KIAA0825: variants seen among roughly 807,000 people sequenced by gnomAD.
KIAA0825 encodes the protein uncharacterized protein KIAA0825.
In KIAA0825, 119 loss-of-function variants were observed where a neutral mutation model predicts 147.6. The observed-to-expected ratio is 0.81, with a 90% confidence interval of 0.69 to 0.94. The LOEUF is 0.94. Ranked by LOEUF, KIAA0825 falls within the 40% of genes least tolerant of loss-of-function variation. The pLI is 0.00. For synonymous variants in KIAA0825, 470 were observed against 518.1 expected (o/e 0.91, Z 1.26); for missense variants, 1,381 against 1,472.7 (o/e 0.94, Z 1.02).
chr5:94,510,377 G>T (rs1413688994), intron 5 of KIAA0825, among the ~76,000 whole-genome samples: 3 of 152,126 alleles, frequency 2.0e-5, no homozygotes, highest in Non-Finnish European at 2.9e-5. Flanking sequence ...TTATTGTCCT[G>T]TTACAAAAGA....
intron 20 of KIAA0825, among the ~76,000 whole-genome samples, chr5:94,155,523 T>C (rs1766964006): frequency 6.6e-6 from 1 of 152,134 alleles, no homozygotes; most frequent in African/African-American, 2.4e-5. Flanking sequence ...ATGATATCTG[T>C]TCCCATACTA....
chr5:94,164,631 T>A (rs1207690155), intron 20 of KIAA0825, among the ~76,000 whole-genome samples: 1 of 152,074 alleles, frequency 6.6e-6, no homozygotes, highest in Admixed American at 6.6e-5. Context: ...CAGGATGGTC[T>A]TCATCTCCTG....
At chr5:94,550,912 G>T (rs913210673) in intron 2 of KIAA0825, among the ~76,000 whole-genome samples, 2 of 150,354 alleles carry the variant, frequency 1.3e-5, no homozygotes, top group African/African-American at 4.9e-5. Flanking sequence ...TACATAAAAT[G>T]CCAGAAAAAG....
intron 5 of KIAA0825, among the ~76,000 whole-genome samples, chr5:94,493,779 C>T (rs1033078228): frequency 7.2e-5 from 11 of 152,024 alleles, no homozygotes; most frequent in South Asian, 4.1e-4. Context: ...TGAGTCACCG[C>T]GCCTGGCCAA....
intron 1 of KIAA0825, among the ~76,000 whole-genome samples, chr5:94,582,810 G>A (rs979045763): frequency 3.3e-5 from 5 of 152,018 alleles, no homozygotes; most frequent in African/African-American, 1.2e-4. Context: ...CAGGTAATAG[G>A]GGCACCTTGG....
chr5:94,498,469 G>C (rs1307047573), intron 5 of KIAA0825, among the ~76,000 whole-genome samples: 2 of 152,206 alleles, frequency 1.3e-5, no homozygotes, highest in Non-Finnish European at 2.9e-5. Flanking sequence ...TTAAAATACA[G>C]TTGAAGGCTA....
chr5:94,493,317 G>A (rs1763941329), intron 5 of KIAA0825, among the ~76,000 whole-genome samples: 1 of 152,138 alleles, frequency 6.6e-6, no homozygotes, highest in Admixed American at 6.5e-5. Context: ...TTACAATATA[G>A]GCCTTGGGTA....
chr5:94,514,405 C>A (rs148745115), intron 5 of KIAA0825, among the ~76,000 whole-genome samples: 4 of 151,790 alleles, frequency 2.6e-5, no homozygotes, highest in African/African-American at 9.7e-5. Context: ...ATTACAGTTT[C>A]GAAATTCAAG....
At position 94,536,171 on chromosome 5, in the gene KIAA0825, T is replaced by C. The variant is rs143668938; in HGVS notation, c.131+825A>G. ...CAATATGCTATCTTTTGAATTTACT[T>C]ATGCCCATTGTTATAATAAAGAACT... On this transcript the variant is annotated intron_variant, in intron 3 of 20. Transcript: ENST00000682413. Among the ~76,000 whole-genome samples the C allele has an allele frequency of 2.0e-3, 305 of 152,366 alleles. 1 individual carries two copies. The highest frequency in any genetic ancestry group is 7.1e-3 in the African/African-American group (296 of 41,584).
chr5:94,276,010 A>G (rs1050410170), intron 20 of KIAA0825, among the ~76,000 whole-genome samples: 8 of 152,222 alleles, frequency 5.3e-5, no homozygotes, highest in African/African-American at 1.9e-4. Context: ...CAATTAATCC[A>G]CATCTCCAAA....
chr5:94,527,286 A>G (rs1839851), intron 3 of KIAA0825, among the ~76,000 whole-genome samples: 63,105 of 151,824 alleles, frequency 0.42, 14,436 homozygotes, highest in African/African-American at 0.62. Flanking sequence ...GAACTGGTAC[A>G]GTTGGAGATA....
At chr5:94,287,202 C>T (rs908250554) in intron 20 of KIAA0825, among the ~76,000 whole-genome samples, 51 of 152,316 alleles carry the variant, frequency 3.3e-4, no homozygotes, top group African/African-American at 1.1e-3. Flanking sequence ...TCTTCTACTA[C>T]GTTACCTTCA....
chr5:94,383,760 A>T (rs1478495048), intron 20 of KIAA0825, among the ~76,000 whole-genome samples: 13 of 150,890 alleles, frequency 8.6e-5, no homozygotes, highest in Admixed American at 8.6e-4. Flanking sequence ...CTGAAATCAT[A>T]TTATCATTTC....
chr5:94,281,197 TAACA>T (rs1777446702), intron 20 of KIAA0825, among the ~76,000 whole-genome samples: 1 of 90,222 alleles, frequency 1.1e-5, no homozygotes, highest in Non-Finnish European at 2.3e-5. Flanking sequence ...ATAAGTGATT[TAACA>T]CACACACACA....
chr5:94,569,460 A>G (rs1779446177), intron 2 of KIAA0825: 1 of 409,436 alleles, frequency 2.4e-6, no homozygotes, highest in African/African-American at 2.1e-5. Context: ...AATAAAGCAT[A>G]TGTCATTATT....
chr5:94,332,390 G>A (rs529151596), intron 20 of KIAA0825, among the ~76,000 whole-genome samples: 111 of 151,950 alleles, frequency 7.3e-4, no homozygotes, highest in Non-Finnish European at 1.4e-3. Context: ...CACCACCCCC[G>A]ATAGGCCCTG....
At chr5:94,219,507 G>A (rs1009686644) in intron 20 of KIAA0825, among the ~76,000 whole-genome samples, 4 of 152,084 alleles carry the variant, frequency 2.6e-5, no homozygotes, top group African/African-American at 4.8e-5. Context: ...ATACAGTTAC[G>A]TACTGCTTAA....
intron 20 of KIAA0825, among the ~76,000 whole-genome samples, chr5:94,359,797 T>G (rs899785827): frequency 6.6e-6 from 1 of 152,236 alleles, no homozygotes; most frequent in Non-Finnish European, 1.5e-5. Context: ...TTTCCAAGAA[T>G]GCAGAATGCA....
At chr5:94,160,173 C>T (rs1767418332) in intron 20 of KIAA0825, among the ~76,000 whole-genome samples, 1 of 152,064 alleles carries the variant, frequency 6.6e-6, no homozygotes, top group African/African-American at 2.4e-5. Context: ...CAGGGTCAGT[C>T]CTAGACCATC....
Sources: gnomAD v4.1 joint callset for allele counts (sites outside exome capture counted in the v4.1 genomes callset) on GRCh38, gnomAD v4.1.1 for gene constraint, MANE v1.5 for transcripts, NCBI Gene and HGNC (gene_info 2026-07-23, HGNC 2026-07-21) for gene names.